Variants in P3H2 observed in about 807,000 individuals in gnomAD.
The protein encoded by P3H2 is leprecan-like 1.
Under a neutral mutation model 87.0 loss-of-function variants are expected in P3H2, and 80 were observed. The observed-to-expected ratio is 0.92, with a 90% confidence interval of 0.77 to 1.11. The LOEUF (loss-of-function observed/expected upper bound fraction) is 1.11. Among genes scored for constraint, P3H2 ranks in the 50% least tolerant of loss-of-function variants. P3H2 has a pLI of 0.00. For synonymous variants in P3H2, 367 were observed against 359.3 expected (o/e 1.02, Z -0.24); for missense variants, 1,001 against 923.9 (o/e 1.08, Z -1.08).
At chr3:189,990,456 A>T (rs1173919656) in intron 3 of P3H2, among the ~76,000 whole-genome samples, 3 of 151,532 alleles carry the variant, frequency 2.0e-5, no homozygotes, top group East Asian at 1.9e-4. Flanking sequence ...AGCAAAAGGT[A>T]AAGGCGAAAG....
intron 1 of P3H2, among the ~76,000 whole-genome samples, chr3:190,051,478 C>G (rs1725980976): frequency 6.6e-6 from 1 of 152,158 alleles, no homozygotes; most frequent in South Asian, 2.1e-4. Context: ...AAATCCTGGG[C>G]ATTTAGTAGC....
chr3:190,068,676 A>ATT (rs1726594417), intron 1 of P3H2, among the ~76,000 whole-genome samples: 1 of 152,150 alleles, frequency 6.6e-6, no homozygotes, highest in African/African-American at 2.4e-5. Flanking sequence ...GGACGAGTAG[A>ATT]CAGAGCTGTT....
chr3:190,094,997 T>C (rs1727524441), intron 1 of P3H2, among the ~76,000 whole-genome samples: 1 of 152,122 alleles, frequency 6.6e-6, no homozygotes, highest in Non-Finnish European at 1.5e-5. Flanking sequence ...GAAAACTTAG[T>C]AAAAGAATAG....
chr3:190,104,407 A>G (rs1357692289), intron 1 of P3H2, among the ~76,000 whole-genome samples: 1 of 152,124 alleles, frequency 6.6e-6, no homozygotes, highest in Non-Finnish European at 1.5e-5. Context: ...TCCCAACTAG[A>G]GAGTGAGGGA....
chr3:190,004,133 A>G (rs945574365), intron 1 of P3H2, among the ~76,000 whole-genome samples: 1 of 152,176 alleles, frequency 6.6e-6, no homozygotes, highest in Non-Finnish European at 1.5e-5. Context: ...GGTGAGCACA[A>G]TCTAACTTGT....
At chr3:190,015,943 A>G (rs1473180047) in intron 1 of P3H2, among the ~76,000 whole-genome samples, 1 of 152,112 alleles carries the variant, frequency 6.6e-6, no homozygotes, top group African/African-American at 2.4e-5. Context: ...GTGCATGTGC[A>G]TGTGTGTGTA....
intron 1 of P3H2, among the ~76,000 whole-genome samples, chr3:190,027,928 A>AC (rs1725132244): frequency 6.7e-6 from 1 of 150,254 alleles, no homozygotes; most frequent in Non-Finnish European, 1.5e-5. Context: ...TGAGTGGGCC[A>AC]CTGCACTCTA....
chr3:190,004,539 C>G (rs1025447837), intron 1 of P3H2, among the ~76,000 whole-genome samples: 15 of 151,914 alleles, frequency 9.9e-5, no homozygotes, highest in Non-Finnish European at 1.9e-4. Flanking sequence ...CCCGCCTCCA[C>G]GCCCGGCTAA....
intron 1 of P3H2, among the ~76,000 whole-genome samples, chr3:190,008,048 G>C (rs1013499859): frequency 2.7e-5 from 4 of 149,228 alleles, no homozygotes; most frequent in African/African-American, 9.9e-5. Context: ...AGTGATCCCA[G>C]AATCCCGAAT....
chr3:189,982,645 C>T (rs981586789), intron 8 of P3H2, among the ~76,000 whole-genome samples: 1 of 152,134 alleles, frequency 6.6e-6, no homozygotes, highest in East Asian at 1.9e-4. Context: ...AATCTAATAT[C>T]CCATGTGGCT....
At chr3:189,961,471 C>A (rs1722808532) in intron 14 of P3H2, among the ~76,000 whole-genome samples, 1 of 152,104 alleles carries the variant, frequency 6.6e-6, no homozygotes, top group Non-Finnish European at 1.5e-5. Context: ...GAGAATCGGC[C>A]AGCTCTAATG....
chr3:190,045,413 T>G (rs1259803966), intron 1 of P3H2, among the ~76,000 whole-genome samples: 1 of 152,174 alleles, frequency 6.6e-6, no homozygotes, highest in African/African-American at 2.4e-5. Flanking sequence ...AAATTCAAAT[T>G]TTCTTCTTCC....
At chr3:190,068,951 C>T (rs191385781) in intron 1 of P3H2, among the ~76,000 whole-genome samples, 82 of 152,140 alleles carry the variant, frequency 5.4e-4, no homozygotes, top group African/African-American at 2.0e-3. Flanking sequence ...ACCAACTAAA[C>T]GTTTGCTATC....
chr3:190,007,809 A>ATT (rs63040660), intron 1 of P3H2, among the ~76,000 whole-genome samples: 2,577 of 144,184 alleles, frequency 0.018, 28 homozygotes, highest in Non-Finnish European at 0.027. Context: ...CAGCGTTCAG[A>ATT]TTTTTTTTTT....
intron 1 of P3H2, among the ~76,000 whole-genome samples, chr3:190,019,865 G>A (rs1178744833): frequency 7.9e-6 from 1 of 126,208 alleles, no homozygotes; most frequent in Non-Finnish European, 1.7e-5. Flanking sequence ...ATTTAAGTAT[G>A]TCTTGTCTCC....
intron 1 of P3H2, among the ~76,000 whole-genome samples, chr3:190,002,410 T>C (rs187203409): frequency 6.6e-6 from 1 of 151,638 alleles, no homozygotes; most frequent in Non-Finnish European, 1.5e-5. Context: ...TCTTTTCTTT[T>C]TTTTTTTTTG....
At chr3:190,097,369 T>C in intron 1 of P3H2, among the ~76,000 whole-genome samples, 1 of 152,196 alleles carries the variant, frequency 6.6e-6, no homozygotes, top group Non-Finnish European at 1.5e-5. Context: ...TCAGAAATAA[T>C]GTTGCTGGTT....
chr3:189,981,099 T>A (rs1723520813), intron 8 of P3H2, among the ~76,000 whole-genome samples: 1 of 152,250 alleles, frequency 6.6e-6, no homozygotes, highest in Admixed American at 6.5e-5. Flanking sequence ...CCTATGTACC[T>A]CTTCATCTAG....
At chr3:190,114,710 G>A (rs2108525762) in intron 1 of P3H2, among the ~76,000 whole-genome samples, 1 of 152,240 alleles carries the variant, frequency 6.6e-6, no homozygotes, top group South Asian at 2.1e-4. Flanking sequence ...AAGTTTTGAT[G>A]GTTTAAGCAC....
Sources: allele counts gnomAD v4.1 joint callset (sites outside exome capture counted in the v4.1 genomes callset), GRCh38; gene constraint gnomAD v4.1.1; transcripts MANE v1.5; gene names NCBI Gene and HGNC (gene_info 2026-07-23, HGNC 2026-07-21).